The following ERBB4 variants were observed in gnomAD, a reference collection of about 807,000 sequenced individuals.
The protein encoded by ERBB4 is receptor tyrosine-protein kinase erbB-4.
A neutral mutation model predicts 158.0 loss-of-function variants in ERBB4; 42 were observed. That is an observed-to-expected ratio of 0.27 (90% CI 0.21 to 0.34). ERBB4 has a LOEUF of 0.34. Ranked by LOEUF, ERBB4 falls within the 10% of genes least tolerant of loss-of-function variation. The pLI is 1.00. For missense variants in ERBB4, 1,333 were observed against 1,624.1 expected, an observed-to-expected ratio of 0.82 and a Z score of 3.08; for synonymous variants, 583 against 558.7, an observed-to-expected ratio of 1.04 and a Z score of -0.61.
chr2:212,078,750 A>G (rs1175423311), intron 2 of ERBB4, among the ~76,000 whole-genome samples: 2 of 151,708 alleles, frequency 1.3e-5, no homozygotes, highest in Non-Finnish European at 2.9e-5. Context: ...GTTTTTGTTT[A>G]CAAACACAAC....
At chr2:211,849,339 G>A (rs1355033221) in intron 3 of ERBB4, among the ~76,000 whole-genome samples, 2 of 151,874 alleles carry the variant, frequency 1.3e-5, no homozygotes, top group African/African-American at 2.4e-5. Flanking sequence ...TATTTATAAA[G>A]TACTACAGAT....
Position 211,431,060 on chromosome 2 carries a change from T to C in ERBB4, c.2528A>G (p.Asp843Gly). 1 of 1,613,956 alleles carries C rather than the reference T, an allele frequency of 6.2e-7. No homozygotes were observed. The highest frequency in any genetic ancestry group is 8.5e-7 in the Non-Finnish European group (1 of 1,179,878). ...YLEERRLVHR[D>G]LAARNVLVKS... is the part of the protein sequence containing the mutation. ...CACTAAGACATTACGGGCTGCCAAA[T>C]CCCGATGAACGAGTCGTCTTTCTTC... Residue 843 changes from aspartate (D) to glycine (G), a missense_variant, in exon 21 of 28, where the codon GAT becomes GGT. Asp to Gly is a moderately conservative substitution (Grantham distance 94). Transcript: ENST00000342788.
chr2:212,305,048 A>C (rs1050746824), intron 1 of ERBB4, among the ~76,000 whole-genome samples: 4 of 151,540 alleles, frequency 2.6e-5, no homozygotes, highest in Admixed American at 6.6e-5. Context: ...CATATAAAAA[A>C]GAAAAATATT....
chr2:212,287,916 G>A (rs2086058371), intron 1 of ERBB4, among the ~76,000 whole-genome samples: 1 of 152,108 alleles, frequency 6.6e-6, no homozygotes, highest in South Asian at 2.1e-4. Flanking sequence ...GGTGGAGCAT[G>A]GAAGGAGGGA....
intron 14 of ERBB4, 103 bp from the exon 15 acceptor site, chr2:211,665,580 T>C (rs966170722): frequency 7.4e-6 from 8 of 1,076,342 alleles, no homozygotes; most frequent in African/African-American, 6.3e-5. Context: ...AGGTGGCAAA[T>C]CTTCCTCTAA....
chr2:211,687,304 C>CAA (rs34737849), intron 12 of ERBB4, among the ~76,000 whole-genome samples: 4 of 106,150 alleles, frequency 3.8e-5, no homozygotes, highest in South Asian at 3.2e-4. Context: ...GACTCCGTCT[C>CAA]AAAAAAAAAA....
chr2:212,076,368 T>C (rs1356240307), intron 2 of ERBB4, among the ~76,000 whole-genome samples: 1 of 152,014 alleles, frequency 6.6e-6, no homozygotes, highest in Non-Finnish European at 1.5e-5. Context: ...TGTTTTAATC[T>C]ATTTGACTTT....
intron 7 of ERBB4, among the ~76,000 whole-genome samples, chr2:211,721,442 G>GAAAAAAAAAAAAAAAAAAAAAAAAAAAAA (rs2074086063): frequency 2.3e-4 from 1 of 4,360 alleles, no homozygotes; most frequent in African/African-American, 2.9e-3. Flanking sequence ...GTTACTCAAA[G>GAAAAAAAAAAAAAAAAAAAAAAAAAAAAA]CAAAAAAAAA....
intron 2 of ERBB4, among the ~76,000 whole-genome samples, chr2:212,030,287 C>T (rs1445273612): frequency 2.0e-5 from 3 of 152,084 alleles, no homozygotes; most frequent in African/African-American, 7.2e-5. Context: ...CTAACAGTAT[C>T]CTGCACCAGC....
chr2:211,916,442 A>G (rs2079694519), intron 3 of ERBB4, among the ~76,000 whole-genome samples: 1 of 152,164 alleles, frequency 6.6e-6, no homozygotes, highest in Non-Finnish European at 1.5e-5. Flanking sequence ...GGCCTCCCAA[A>G]GCACTGGGAT....
chr2:211,812,159 T>A (rs138218528), intron 3 of ERBB4, among the ~76,000 whole-genome samples: 2 of 152,064 alleles, frequency 1.3e-5, no homozygotes, highest in African/African-American at 4.8e-5. Context: ...CCCATCTTTG[T>A]GGTTTTATCT....
chr2:212,413,424 C>T (rs534588685), intron 1 of ERBB4, among the ~76,000 whole-genome samples: 1 of 152,146 alleles, frequency 6.6e-6, no homozygotes, highest in East Asian at 1.9e-4. Flanking sequence ...TAAAATAACA[C>T]AGAATGTTAA....
At chr2:212,117,765 T>A (rs1175128155) in intron 2 of ERBB4, among the ~76,000 whole-genome samples, 3 of 120,218 alleles carry the variant, frequency 2.5e-5, no homozygotes. Context: ...TTAATTTAAA[T>A]GGTGTTTTCC....
chr2:211,670,585 A>G (rs2071802277), intron 14 of ERBB4, among the ~76,000 whole-genome samples: 1 of 152,184 alleles, frequency 6.6e-6, no homozygotes, highest in African/African-American at 2.4e-5. Context: ...CATGGAACTG[A>G]TAAGCACATT....
At chr2:212,062,592 A>G (rs2077814027) in intron 2 of ERBB4, among the ~76,000 whole-genome samples, 2 of 151,974 alleles carry the variant, frequency 1.3e-5, no homozygotes. Flanking sequence ...TTTTTAGTAC[A>G]GAGGGGGTTT....
chr2:211,857,377 CT>C (rs1306703384), intron 3 of ERBB4, among the ~76,000 whole-genome samples: 1 of 152,108 alleles, frequency 6.6e-6, no homozygotes, highest in African/African-American at 2.4e-5. Context: ...TGTATATATC[CT>C]GAAATTCTGC....
At chr2:211,707,682 C>G (rs138324051) in intron 9 of ERBB4, among the ~76,000 whole-genome samples, 15 of 152,200 alleles carry the variant, frequency 9.9e-5, no homozygotes, top group Non-Finnish European at 2.1e-4. Flanking sequence ...AAAAGTTTTC[C>G]TAACGATAAC....
chr2:212,517,454 T>C (rs1691911640), intron 1 of ERBB4, among the ~76,000 whole-genome samples: 1 of 152,110 alleles, frequency 6.6e-6, no homozygotes, highest in African/African-American at 2.4e-5. Flanking sequence ...CTGTTTACTA[T>C]ATTCCCACCA....
Position 211,378,028 on chromosome 2 carries a change from T to A in ERBB4, c.*5587A>T, listed in dbSNP as rs191943813. The stretch of plus-strand genomic sequence containing the variant: ...GTGTTTCACAAAGTGGGGTGTAGGA[T>A]CTCAGAGATCCACTATGGCTTAAGA... On this transcript the variant is annotated 3_prime_UTR_variant, in exon 28 of 28. Transcript: ENST00000342788. 18 of 232,946 alleles carry A rather than the reference T, an allele frequency of 7.7e-5. No homozygotes were observed. The highest frequency in any genetic ancestry group is 1.2e-3 in the Middle Eastern group (1 of 806). 14.4% of individuals were successfully genotyped at this position (232,946 alleles called of 1,614,324 possible).
Sources: allele counts gnomAD v4.1 joint callset (sites outside exome capture counted in the v4.1 genomes callset), GRCh38; gene constraint gnomAD v4.1.1; transcripts MANE v1.5; gene names NCBI Gene and HGNC (gene_info 2026-07-23, HGNC 2026-07-21).